Variants in PRRC2A observed in about 807,000 individuals in gnomAD.
PRRC2A encodes the protein proline rich coiled-coil 2A.
A neutral mutation model predicts 224.6 loss-of-function variants in PRRC2A; 59 were observed. The ratio of observed to expected loss-of-function variants is 0.26; its 90% CI spans 0.21 to 0.33. PRRC2A has a LOEUF of 0.33. Ranked by LOEUF, PRRC2A falls within the 10% of genes least tolerant of loss-of-function variation. PRRC2A has a pLI of 1.00. For missense variants in PRRC2A, 3,095 were observed against 2,880.7 expected (o/e 1.07, Z -1.70); for synonymous variants, 1,194 against 1,109.5 (o/e 1.08, Z -1.51).
chr6:31,634,167 G>C, intron 18 of PRRC2A, 69 bp from the exon 19 acceptor site: 1 of 1,571,942 alleles, frequency 6.4e-7, no homozygotes, highest in South Asian at 1.2e-5. Context: ...ACCCCACTCT[G>C]TCCTGGCTTC....
At position 31,626,280 on chromosome 6, in the gene PRRC2A, C is replaced by G. The variant is rs1775901288; in HGVS notation, c.982+118C>G. The G allele has an allele frequency of 2.5e-6, 3 of 1,216,808 alleles. No homozygotes were observed. In the Admixed American group the frequency reaches 6.9e-5, roughly 28 times the overall value. The allele number at this position is 1,216,808 out of a possible 1,614,324, so 75.4% of individuals were successfully genotyped here. On this transcript the variant is annotated intron_variant, in intron 9 of 30. Coordinates refer to ENST00000376033, the MANE Select transcript of PRRC2A (RefSeq NM_004638.4). ...CATTGAAGTGTAGGAAGACCAGGCC[C>G]AATGGCTCACATCTGTAATCCCAGT... is the stretch of plus-strand genomic sequence containing the variant.
At position 31,636,042 on chromosome 6, in the gene PRRC2A, C is replaced by G; in HGVS notation, c.5617C>G (p.Pro1873Ala). The change falls in exon 25 of 31, where the codon CCT (proline) becomes GCT (alanine). Residue 1873 changes from proline (P) to alanine (A), a missense_variant. Pro to Ala is a conservative substitution (Grantham distance 27, BLOSUM62 -1). Coordinates refer to ENST00000376033, the MANE Select transcript of PRRC2A (RefSeq NM_004638.4). This position sits in a 1 kb window ranked among gnomAD's most constrained non-coding sequence, Gnocchi z 4.3. Reference sequence around the variant, plus strand: ...CCGCCCTGGGACACCCTCACTGCACCCTTACAGGTAAGACTCGATGCCTGT... The same window carrying G: ...CCGCCCTGGGACACCCTCACTGCACGCTTACAGGTAAGACTCGATGCCTGT... ...GFRPGTPSLH[P>A]YRSQPLYLPP... The G allele has an allele frequency of 6.2e-7, 1 of 1,611,182 alleles. No individual in the cohort carries two copies. The highest frequency in any genetic ancestry group is 8.5e-7 in the Non-Finnish European group (1 of 1,177,426).
At position 31,625,354 on chromosome 6, in the gene PRRC2A, T is replaced by C. The variant is rs1583186128; in HGVS notation, c.607+40T>C. On this transcript the variant is annotated intron_variant, in intron 6 of 30. Transcript: ENST00000376033. This position sits in a 1 kb window ranked among gnomAD's most constrained non-coding sequence, Gnocchi z 4.1. ...TTTGGCCAAGACATTACCTATTGCA[T>C]CTCAGAGCTAGGTGCTGGCTTATTC... 1 of 1,614,118 alleles carries C rather than the reference T, an allele frequency of 6.2e-7. No homozygotes were observed. The highest frequency in any genetic ancestry group is 2.2e-5 in the East Asian group (1 of 44,890).
intron 14 of PRRC2A, among the ~76,000 whole-genome samples, 196 bp from the exon 15 acceptor site, chr6:31,630,395 A>G (rs1333892699): frequency 6.6e-6 from 1 of 152,184 alleles, no homozygotes; most frequent in East Asian, 1.9e-4. Flanking sequence ...TTCATTTGCC[A>G]GGATTTATTT....
At chr6:31,634,618 C>A in intron 20 of PRRC2A, 61 bp downstream of exon 20, 1 of 1,593,156 alleles carries the variant, frequency 6.3e-7, no homozygotes, top group South Asian at 1.1e-5. Context: ...GTCATACCCC[C>A]CACCTGCTCT....
chr6:31,631,411 C>A lies in PRRC2A; in HGVS notation c.2738C>A (p.Pro913His). ...GGAGTCGGGAGTGGAGGCCAGGGCC[C>A]CCCACCACCACGCAGAGAGAGTCGC... ...ARGVGSGGQG[P>H]PPPRRESRTE... The change falls in exon 16 of 31, where the codon CCC becomes CAC. Residue 913 changes from proline to histidine, a missense_variant. Transcript: ENST00000376033. This position sits in a 1 kb window ranked among gnomAD's most constrained non-coding sequence, Gnocchi z 4.5. 1.9e-6 allele frequency: 3 copies of A among 1,609,838 alleles called. No homozygotes were observed. The East Asian group carries it at 6.7e-5, about 36-fold the overall frequency.
Position 31,625,130 on chromosome 6 carries a change from A to G in PRRC2A, c.464-41A>G, listed in dbSNP as rs770104461. 8.2e-6 allele frequency: 13 copies of G among 1,589,544 alleles called. No individual in the cohort carries two copies. The South Asian group carries it at 1.3e-4, about 16-fold the overall frequency. On this transcript the variant is annotated intron_variant, in intron 5 of 30. Coordinates refer to ENST00000376033, the MANE Select transcript of PRRC2A (RefSeq NM_004638.4). This position sits in a 1 kb window ranked among gnomAD's most constrained non-coding sequence, Gnocchi z 4.1. ...TCCACTTTTATAGCATGTCCTCAGG[A>G]AATGTCTTCTGTCTCCTGTTCTGCA...
Position 31,636,059 on chromosome 6 carries a change from G to T in PRRC2A, c.5624+10G>T. On this transcript the variant is annotated intron_variant, in intron 25 of 30. Transcript: ENST00000376033. The surrounding 1 kb of genome is among the most constrained non-coding windows in gnomAD (Gnocchi z 4.3). ...CACTGCACCCTTACAGGTAAGACTC[G>T]ATGCCTGTGGATCACAGAAGTACTT... The T allele has an allele frequency of 6.2e-7, 1 of 1,601,438 alleles. No individual in the cohort carries two copies. The highest frequency in any genetic ancestry group is 8.6e-7 in the Non-Finnish European group (1 of 1,168,612).
chr6:31,629,274 G>A lies in PRRC2A; in HGVS notation c.1896G>A (p.Gln632=), dbSNP rs1360734621. The A allele has an allele frequency of 6.3e-7, 1 of 1,597,112 alleles. No homozygotes were observed. Among genetic ancestry groups the A allele is most frequent in the Non-Finnish European group, 8.5e-7 (1 of 1,172,888 alleles). ...GTCCCACCCGCCAGCCCCCTAGTCA[G>A]GGCTTGGGCTACCCCAAATATCAGA... ...GIGPTRQPPS[Q]GLGYPKYQKS... is the part of the protein sequence containing the mutation. The change falls in exon 13 of 31, where the codon CAG becomes CAA. Residue 632 remains glutamine, a synonymous_variant. Transcript: ENST00000376033.
Position 31,632,711 on chromosome 6 carries a change from G to A in PRRC2A, c.4038G>A (p.Leu1346=). 1 of 1,613,136 alleles carries A rather than the reference G, an allele frequency of 6.2e-7. No homozygotes were observed. The highest frequency in any genetic ancestry group is 8.5e-7 in the Non-Finnish European group (1 of 1,180,040). Residue 1346 remains leucine, a synonymous_variant, in exon 16 of 31, where the codon CTG becomes CTA. Transcript: ENST00000376033. Reference sequence around the variant, plus strand: ...AAGAGGCACCCCCACCAGTACTGCTGACACCCAAGGCTGTGGGAACTCCTG... The same window carrying A: ...AAGAGGCACCCCCACCAGTACTGCTAACACCCAAGGCTGTGGGAACTCCTG... The part of the protein sequence containing the change: ...GDKEAPPPVL[L]TPKAVGTPGG...
Position 31,625,985 on chromosome 6 carries a change from A to T in PRRC2A, c.840-35A>T, listed in dbSNP as rs760900409. 1.2e-5 allele frequency: 19 copies of T among 1,608,848 alleles called. No individual in the cohort carries two copies. The highest frequency in any genetic ancestry group is 1.6e-5 in the Non-Finnish European group (19 of 1,177,772). ...GGATCAGTCTCGCATGTGGTTATAC[A>T]ACATGCCATATTTCATTTTCTTTTT... On this transcript the variant is annotated intron_variant, in intron 8 of 30. Transcript: ENST00000376033. The surrounding 1 kb of genome is among the most constrained non-coding windows in gnomAD (Gnocchi z 4.1).
Position 31,631,586 on chromosome 6 carries a change from G to C in PRRC2A, c.2913G>C (p.Gln971His). The change falls in exon 16 of 31, where the codon CAG (glutamine) becomes CAC (histidine). Residue 971 changes from glutamine (Q) to histidine (H), a missense_variant. Physicochemically the swap from Gln to His is conservative, Grantham distance 24 (BLOSUM62 0). Transcript: ENST00000376033. This position sits in a 1 kb window ranked among gnomAD's most constrained non-coding sequence, Gnocchi z 4.5. ...AGCTGCCTCCCAAGCCCCTCGAACA[G>C]GGGGATGAAACCCCCAAACCCCCAA... Reference protein sequence around the residue: ...VEELPPKPLEQGDETPKPPKP... With the variant: ...VEELPPKPLEHGDETPKPPKP... 6.4e-7 allele frequency: 1 copy of C among 1,565,936 alleles called. No individual in the cohort carries two copies.
chr6:31,635,089 C>T (rs748573642), intron 21 of PRRC2A, 43 bp from the exon 22 acceptor site: 6 of 1,603,256 alleles, frequency 3.7e-6, no homozygotes, highest in South Asian at 3.3e-5. Context: ...ATTTGGATTT[C>T]CCTTTCCCTC....
intron 3 of PRRC2A, 49 bp from the exon 4 acceptor site, chr6:31,624,212 T>G (rs1775630994): frequency 6.5e-7 from 1 of 1,542,952 alleles, no homozygotes; most frequent in Non-Finnish European, 8.9e-7. Context: ...GTTGGAGAAG[T>G]CAGGGAGGCA....
In PRRC2A at chr6:31,632,058, G is replaced by C; in HGVS notation, c.3385G>C (p.Glu1129Gln). Residue 1129 changes from glutamate to glutamine, a missense_variant, in exon 16 of 31, where the codon GAG (glutamate) becomes CAG (glutamine). Around this residue, in one of 8 missense-constraint regions of PRRC2A, gnomAD observed 2,001 missense variants for 1,764.9 expected, o/e 1.13. Coordinates refer to ENST00000376033, the MANE Select transcript of PRRC2A (RefSeq NM_004638.4). ...PSDKEAPTPKEGTLTQVPLAP... is the reference protein window; with the variant it reads ...PSDKEAPTPKQGTLTQVPLAP... ...AGACAAGGAGGCTCCCACACCCAAG[G>C]AGGGAACACTCACCCAGGTCCCTCT... 1 of 1,574,412 alleles carries C rather than the reference G, an allele frequency of 6.4e-7. No individual in the cohort carries two copies. Among genetic ancestry groups the C allele is most frequent in the Non-Finnish European group, 8.6e-7 (1 of 1,157,808 alleles).
At chr6:31,623,115 T>C in intron 2 of PRRC2A, 1 of 761,464 alleles carries the variant, frequency 1.3e-6, no homozygotes, top group Non-Finnish European at 2.4e-6. Flanking sequence ...TCCCTGTCTT[T>C]GGACACGTAA....
Position 31,625,779 on chromosome 6 carries a change from G to A in PRRC2A, c.760-13G>A. On this transcript the variant is annotated splice_polypyrimidine_tract_variant and intron_variant, in intron 7 of 30. Transcript: ENST00000376033. This position sits in a 1 kb window ranked among gnomAD's most constrained non-coding sequence, Gnocchi z 4.1. The stretch of plus-strand genomic sequence containing the variant: ...CTGTCCCTCTGAGCAGCTACTGTTG[G>A]ACCCTTTTACAGATGTATCCCCCAT... 4.5e-6 allele frequency: 7 copies of A among 1,567,502 alleles called. No homozygotes were observed. Among genetic ancestry groups the A allele is most frequent in the Non-Finnish European group, 6.2e-6 (7 of 1,137,954 alleles).
At chr6:31,634,194 C>T (rs1777041353) in intron 18 of PRRC2A, 42 bp from the exon 19 acceptor site, 1 of 1,574,114 alleles carries the variant, frequency 6.4e-7, no homozygotes, top group Non-Finnish European at 8.6e-7. Context: ...TTCCCAATTC[C>T]CACCCAATTC....
chr6:31,631,696 G>T lies in PRRC2A; in HGVS notation c.3023G>T (p.Arg1008Met). ...PPNGNLSPAP[R>M]LRRDYSYERV... The stretch of plus-strand genomic sequence containing the variant: ...AATGGAAATCTTTCCCCTGCCCCAA[G>T]GCTTCGGAGGGACTATTCGTATGAA... The change falls in exon 16 of 31, where the codon AGG becomes ATG. Residue 1008 changes from arginine to methionine, a missense_variant. By Grantham distance (91) the Arg-to-Met change is moderately conservative (BLOSUM62 -1). Around this residue, in one of 8 missense-constraint regions of PRRC2A, gnomAD observed 2,001 missense variants for 1,764.9 expected, o/e 1.13. Coordinates refer to ENST00000376033, the MANE Select transcript of PRRC2A (RefSeq NM_004638.4). This position sits in a 1 kb window ranked among gnomAD's most constrained non-coding sequence, Gnocchi z 4.5. The T allele has an allele frequency of 6.6e-7, 1 of 1,513,932 alleles. No individual in the cohort carries two copies. Among genetic ancestry groups the T allele is most frequent in the Non-Finnish European group, 8.8e-7 (1 of 1,132,612 alleles). 93.8% of individuals were successfully genotyped at this position (1,513,932 alleles called of 1,614,324 possible). A position where few individuals can be genotyped will look rare whatever the true frequency, so the allele number is the denominator to read the frequency against.
Sources: gnomAD v4.1 joint callset for allele counts (sites outside exome capture counted in the v4.1 genomes callset) on GRCh38, gnomAD v4.1.1 for gene constraint, gnomAD v4.1.1 regional missense constraint, Gnocchi (gnomAD v3.1) non-coding constraint, MANE v1.5 for transcripts, NCBI Gene and HGNC (gene_info 2026-07-23, HGNC 2026-07-21) for gene names.